The following SLC12A6 variants were observed in gnomAD, a reference collection of about 807,000 sequenced individuals.
SLC12A6 encodes the protein K-Cl cotransporter 3.
In SLC12A6, 66 loss-of-function variants were observed where a neutral mutation model predicts 135.3. That is an observed-to-expected ratio of 0.49 (90% CI 0.40 to 0.60). The LOEUF is 0.60. SLC12A6 is among the 20% of genes least tolerant of loss of function. The probability of loss-of-function intolerance (pLI) is 0.00; values close to 1 mark genes in which losing one functional copy is unlikely to be tolerated. For missense variants in SLC12A6, 1,058 were observed against 1,452.3 expected (o/e 0.73, Z 4.41); for synonymous variants, 513 against 508.8 (o/e 1.01, Z -0.11).
At chr15:34,281,823 A>G (rs2140917657) in intron 2 of SLC12A6, among the ~76,000 whole-genome samples, 2 of 152,282 alleles carry the variant, frequency 1.3e-5, no homozygotes, top group African/African-American at 4.8e-5. Context: ...AATAGTAGGC[A>G]ATTTTAGGCA....
intron 2 of SLC12A6, among the ~76,000 whole-genome samples, chr15:34,322,829 T>G (rs1889193992): frequency 6.6e-6 from 1 of 150,944 alleles, no homozygotes; most frequent in Non-Finnish European, 1.5e-5. Context: ...AACACAAAAA[T>G]TAGCCAGTCG....
intron 2 of SLC12A6, among the ~76,000 whole-genome samples, chr15:34,320,626 A>C (rs1889008544): frequency 6.6e-6 from 1 of 151,182 alleles, no homozygotes; most frequent in Non-Finnish European, 1.5e-5. Flanking sequence ...TTTTTTAAAG[A>C]AAAAGCTAGG....
intron 2 of SLC12A6, among the ~76,000 whole-genome samples, chr15:34,320,385 C>G (rs1888984843): frequency 6.6e-6 from 1 of 151,956 alleles, no homozygotes; most frequent in South Asian, 2.1e-4. Context: ...TGAAATAAGC[C>G]AAGCATAGAG....
At position 34,331,832 on chromosome 15, in the gene SLC12A6, C is replaced by T. The variant is rs192365680; in HGVS notation, c.271+4578G>A. Among the ~76,000 whole-genome samples, 341 of 152,220 alleles carry T rather than the reference C, an allele frequency of 2.2e-3. 3 individuals carry two copies. Among genetic ancestry groups the T allele is most frequent in the African/African-American group, 7.9e-3 (329 of 41,522 alleles). On this transcript the variant is annotated intron_variant, in intron 2 of 25. Coordinates refer to ENST00000354181, the MANE Select transcript of SLC12A6 (RefSeq NM_001365088.1). The stretch of plus-strand genomic sequence containing the variant: ...AGGACATGACTCCTTAAAGAAAGGA[C>T]TTATCTAAATTACTTTTATGTCTCT...
chr15:34,276,981 A>G (rs973229011), intron 2 of SLC12A6, among the ~76,000 whole-genome samples: 1 of 152,172 alleles, frequency 6.6e-6, no homozygotes, highest in Admixed American at 6.5e-5. Context: ...TTTAAATGCT[A>G]TTTGAACATT....
chr15:34,284,277 C>CTTTTTTTTTTTTTTTTTT (rs71415558), intron 2 of SLC12A6, among the ~76,000 whole-genome samples: 55 of 92,474 alleles, frequency 5.9e-4, no homozygotes, highest in Non-Finnish European at 6.0e-4. Flanking sequence ...TGTTTCTTTT[C>CTTTTTTTTTTTTTTTTTT]TTTTTTTTTT....
At chr15:34,288,598 G>C (rs2140955998) in intron 2 of SLC12A6, among the ~76,000 whole-genome samples, 3 of 152,294 alleles carry the variant, frequency 2.0e-5, no homozygotes, top group African/African-American at 7.2e-5. Flanking sequence ...TCATTATATT[G>C]ATTCTTCCTA....
intron 19 of SLC12A6, 51 bp from the exon 20 acceptor site, chr15:34,239,211 T>A: frequency 7.6e-7 from 1 of 1,320,088 alleles, no homozygotes; most frequent in Non-Finnish European, 1.1e-6. Context: ...CTGGACATTT[T>A]AACCCATTGT....
At chr15:34,249,302 A>G (rs1001569269) in intron 13 of SLC12A6, among the ~76,000 whole-genome samples, 3 of 152,126 alleles carry the variant, frequency 2.0e-5, no homozygotes, top group African/African-American at 7.2e-5. Context: ...GTTCATGCCT[A>G]TAAGCCTAGC....
chr15:34,337,163 A>C (rs1269185774), intron 1 of SLC12A6, 169 bp downstream of exon 1: 2 of 246,104 alleles, frequency 8.1e-6, no homozygotes, highest in African/African-American at 4.6e-5. Flanking sequence ...TATAGCGTGG[A>C]TCAGATTGCT....
intron 20 of SLC12A6, chr15:34,238,659 A>T (rs143098914): frequency 1.7e-6 from 1 of 598,594 alleles, no homozygotes; most frequent in Admixed American, 2.9e-5. Flanking sequence ...TTGAGAGATT[A>T]TGATGCTGAA....
chr15:34,319,302 A>AT (rs576167030), intron 2 of SLC12A6, among the ~76,000 whole-genome samples: 5,871 of 147,628 alleles, frequency 0.04, 210 homozygotes, highest in African/African-American at 0.099. Flanking sequence ...TGCCCAGCTA[A>AT]TTTTTTTTTT....
chr15:34,327,392 C>T (rs1237276676), intron 2 of SLC12A6, among the ~76,000 whole-genome samples: 2 of 152,156 alleles, frequency 1.3e-5, no homozygotes, highest in African/African-American at 4.8e-5. Flanking sequence ...TTTAGCCAGG[C>T]ACAGTGGCTC....
chr15:34,305,332 G>T (rs1261713078), intron 2 of SLC12A6, among the ~76,000 whole-genome samples: 1 of 149,830 alleles, frequency 6.7e-6, no homozygotes, highest in Non-Finnish European at 1.5e-5. Context: ...TCTGGAACTT[G>T]TATTAGCCAT....
At chr15:34,238,916 A>T in intron 20 of SLC12A6, 49 bp downstream of exon 20, 2 of 1,474,068 alleles carry the variant, frequency 1.4e-6, no homozygotes, top group Non-Finnish European at 9.5e-7. Context: ...AGATTTAACT[A>T]TATACCCTCG....
At chr15:34,296,519 A>G (rs546351781) in intron 2 of SLC12A6, among the ~76,000 whole-genome samples, 1 of 152,214 alleles carries the variant, frequency 6.6e-6, no homozygotes, top group Non-Finnish European at 1.5e-5. Context: ...AGGTACAAGA[A>G]TGAATAATGG....
At chr15:34,301,729 C>T (rs1216878131) in intron 2 of SLC12A6, among the ~76,000 whole-genome samples, 13 of 149,142 alleles carry the variant, frequency 8.7e-5, no homozygotes, top group Admixed American at 6.6e-5. Context: ...GTGGCTCACG[C>T]CTGTAATCCC....
intron 2 of SLC12A6, among the ~76,000 whole-genome samples, chr15:34,329,945 A>C (rs1889726060): frequency 6.6e-6 from 1 of 152,176 alleles, no homozygotes; most frequent in Non-Finnish European, 1.5e-5. Context: ...AGTGGGGAGG[A>C]AGGAGCTGGA....
intron 2 of SLC12A6, among the ~76,000 whole-genome samples, chr15:34,294,271 C>A (rs370460120): frequency 1.3e-5 from 2 of 152,110 alleles, no homozygotes; most frequent in East Asian, 3.9e-4. Context: ...CTTGCTCTGT[C>A]ACCCAGGCTG....
Sources: allele counts gnomAD v4.1 joint callset (sites outside exome capture counted in the v4.1 genomes callset), GRCh38; gene constraint gnomAD v4.1.1; transcripts MANE v1.5; gene names NCBI Gene and HGNC (gene_info 2026-07-23, HGNC 2026-07-21).